The following CSMD3 variants were observed in gnomAD, a reference collection of about 807,000 sequenced individuals.
CSMD3 encodes CUB and sushi domain-containing protein 3.
CSMD3 carries 177 observed loss-of-function variants against 435.2 expected under a neutral mutation model. The ratio of observed to expected loss-of-function variants is 0.41; its 90% CI spans 0.36 to 0.46. The LOEUF (loss-of-function observed/expected upper bound fraction) is 0.46. Ranked by LOEUF, CSMD3 falls within the 20% of genes least tolerant of loss-of-function variation. The pLI is 0.34. For missense variants in CSMD3, 4,265 were observed against 4,504.6 expected, an observed-to-expected ratio of 0.95 and a Z score of 1.52; for synonymous variants, 1,656 against 1,520.5, an observed-to-expected ratio of 1.09 and a Z score of -2.07.
chr8:113,321,185 C>T (rs1284074201), intron 1 of CSMD3, among the ~76,000 whole-genome samples: 1 of 152,098 alleles, frequency 6.6e-6, no homozygotes, highest in Non-Finnish European at 1.5e-5. Flanking sequence ...CAAACCCAAT[C>T]TTGTCACTTC....
intron 23 of CSMD3, among the ~76,000 whole-genome samples, chr8:112,577,785 C>T (rs1215657974): frequency 6.6e-6 from 1 of 151,966 alleles, no homozygotes; most frequent in Non-Finnish European, 1.5e-5. Context: ...AACCGTATTA[C>T]AACAAACTAC....
chr8:112,296,058 T>A (rs761397468), intron 53 of CSMD3, 52 bp from the exon 54 acceptor site: 2 of 1,396,666 alleles, frequency 1.4e-6, no homozygotes, highest in Admixed American at 1.8e-5. Flanking sequence ...GTTTTATTTG[T>A]ATATTTATAT....
At chr8:112,384,560 T>G (rs1040753639) in intron 36 of CSMD3, among the ~76,000 whole-genome samples, 3 of 152,208 alleles carry the variant, frequency 2.0e-5, no homozygotes, top group African/African-American at 4.8e-5. Flanking sequence ...TTATTAAAAG[T>G]TTTTTAAGCT....
At chr8:113,144,285 G>C (rs1333151634) in intron 4 of CSMD3, among the ~76,000 whole-genome samples, 2 of 151,260 alleles carry the variant, frequency 1.3e-5, no homozygotes, top group Non-Finnish European at 3.0e-5. Flanking sequence ...GTAATGGTAT[G>C]TTTCCTTTTA....
chr8:112,778,381 C>T (rs1460852434), intron 13 of CSMD3, among the ~76,000 whole-genome samples: 1 of 151,910 alleles, frequency 6.6e-6, no homozygotes, highest in Non-Finnish European at 1.5e-5. Flanking sequence ...CTCTCGCTCC[C>T]ACCTAATCCC....
intron 13 of CSMD3, among the ~76,000 whole-genome samples, chr8:112,747,910 C>A (rs1323404628): frequency 2.2e-5 from 3 of 136,442 alleles, no homozygotes; most frequent in African/African-American, 8.3e-5. Context: ...TTGCAGTGAG[C>A]GGAGATTGCG....
chr8:112,534,844 G>T (rs1394401206), intron 27 of CSMD3, among the ~76,000 whole-genome samples: 2 of 152,078 alleles, frequency 1.3e-5, no homozygotes, highest in Non-Finnish European at 2.9e-5. Flanking sequence ...GATCAAGTGG[G>T]CTTCATCCCT....
At chr8:112,476,238 G>A (rs1819039831) in intron 31 of CSMD3, among the ~76,000 whole-genome samples, 1 of 152,030 alleles carries the variant, frequency 6.6e-6, no homozygotes, top group Admixed American at 6.6e-5. Context: ...TAGGGATGGG[G>A]TTTTACCATG....
At chr8:113,240,833 G>A (rs2093206580) in intron 3 of CSMD3, among the ~76,000 whole-genome samples, 1 of 152,048 alleles carries the variant, frequency 6.6e-6, no homozygotes, top group Non-Finnish European at 1.5e-5. Flanking sequence ...CAAAAAGCAG[G>A]TGCTCTGTAG....
intron 5 of CSMD3, among the ~76,000 whole-genome samples, chr8:113,065,423 G>C (rs1009730333): frequency 6.6e-6 from 1 of 152,026 alleles, no homozygotes; most frequent in South Asian, 2.1e-4. Flanking sequence ...GTCTCGCTCT[G>C]TCGCCCAGGA....
chr8:113,181,761 A>G (rs1437770606), intron 3 of CSMD3, among the ~76,000 whole-genome samples: 1 of 152,082 alleles, frequency 6.6e-6, no homozygotes, highest in Non-Finnish European at 1.5e-5. Flanking sequence ...AAAAGGAGGC[A>G]TATTAGCAGC....
intron 63 of CSMD3, among the ~76,000 whole-genome samples, chr8:112,252,746 A>G (rs569741799): frequency 3.9e-4 from 58 of 149,314 alleles, no homozygotes; most frequent in African/African-American, 1.3e-3. Flanking sequence ...AAGAAAGCCA[A>G]TCTCCCTAAT....
chr8:113,040,772 C>A (rs892053629), intron 5 of CSMD3, among the ~76,000 whole-genome samples: 1 of 151,894 alleles, frequency 6.6e-6, no homozygotes, highest in Non-Finnish European at 1.5e-5. Flanking sequence ...CTAAAGGAGT[C>A]ACCAGTATAT....
In CSMD3 at chr8:112,456,073, A is replaced by G. The variant is rs534320889; in HGVS notation, c.5395+16518T>C. On this transcript the variant is annotated intron_variant, in intron 32 of 70. Transcript: ENST00000297405. The stretch of plus-strand genomic sequence containing the variant: ...TTATTTGGAAGTACATCCAGACAAC[A>G]CATAATTTCCTCAGTAAATGTAAAA... 1.7e-4 allele frequency among the ~76,000 whole-genome samples: 26 copies of G among 152,280 alleles called. 1 individual carries two copies. Among genetic ancestry groups the G allele is most frequent in the African/African-American group, 6.0e-4 (25 of 41,576 alleles).
rs532983709 is a variant in CSMD3 at position 112,529,932 on chromosome 8, A to G, written c.4565-12707T>C. On this transcript the variant is annotated intron_variant, in intron 27 of 70. Transcript: ENST00000297405. ...AGAAAGCTCAAGAGAATCATGCATG[A>G]ACAAAATGAGAATTCCAACAAACAG... is the stretch of plus-strand genomic sequence containing the variant. 2.0e-4 allele frequency among the ~76,000 whole-genome samples: 30 copies of G among 152,298 alleles called. No homozygotes were observed. The East Asian group carries it at 3.5e-3, about 18-fold the overall frequency.
intron 4 of CSMD3, among the ~76,000 whole-genome samples, chr8:113,099,905 T>C (rs994763484): frequency 8.5e-5 from 13 of 152,244 alleles, no homozygotes; most frequent in African/African-American, 3.1e-4. Context: ...ACTTATGTTA[T>C]TGCCTTGGCC....
chr8:113,318,652 A>G (rs534138258), intron 1 of CSMD3, among the ~76,000 whole-genome samples: 1 of 152,138 alleles, frequency 6.6e-6, no homozygotes, highest in Admixed American at 6.5e-5. Flanking sequence ...TTTAAAAAAA[A>G]TATATTCCAC....
At chr8:112,645,381 G>C (rs930299201) in intron 19 of CSMD3, among the ~76,000 whole-genome samples, 156 bp from the exon 20 acceptor site, 1 of 152,170 alleles carries the variant, frequency 6.6e-6, no homozygotes, top group African/African-American at 2.4e-5. Context: ...GAGAAGAAAA[G>C]TGTACTCAGT....
At chr8:112,974,178 A>G (rs968545842) in intron 7 of CSMD3, among the ~76,000 whole-genome samples, 5 of 151,960 alleles carry the variant, frequency 3.3e-5, no homozygotes, top group African/African-American at 1.2e-4. Context: ...AAGAAACTTA[A>G]ACATTTTATA....
Sources: allele counts gnomAD v4.1 joint callset (sites outside exome capture counted in the v4.1 genomes callset), GRCh38; gene constraint gnomAD v4.1.1; transcripts MANE v1.5; gene names NCBI Gene and HGNC (gene_info 2026-07-23, HGNC 2026-07-21).